Variants in SRSF4 observed in about 807,000 individuals in gnomAD.
SRSF4 encodes serine/arginine-rich splicing factor 4.
In SRSF4, 12 loss-of-function variants were observed where a neutral mutation model predicts 48.8. That is an observed-to-expected ratio of 0.25 (90% confidence interval 0.16 to 0.40). The LOEUF (loss-of-function observed/expected upper bound fraction) is 0.40. Ranked by LOEUF, SRSF4 falls within the 10% of genes least tolerant of loss-of-function variation. The pLI, the probability that SRSF4 is intolerant of heterozygous loss-of-function variation, is 1.00. For missense variants in SRSF4, 466 were observed against 667.1 expected (o/e 0.70, Z 3.32); for synonymous variants, 248 against 232.5 (o/e 1.07, Z -0.61).
intron 5 of SRSF4, among the ~76,000 whole-genome samples, chr1:29,149,637 C>T (rs549970168): frequency 7.5e-5 from 11 of 146,928 alleles, no homozygotes; most frequent in East Asian, 4.0e-4. Flanking sequence ...GCCGAGATCG[C>T]GCCACTGCAC....
intron 1 of SRSF4, among the ~76,000 whole-genome samples, chr1:29,181,106 T>C (rs1672948383): frequency 6.6e-6 from 1 of 152,226 alleles, no homozygotes. Context: ...ACTAGACTAC[T>C]CAAACTGGAG....
At chr1:29,178,152 G>A (rs1279141079) in intron 1 of SRSF4, among the ~76,000 whole-genome samples, 4 of 151,750 alleles carry the variant, frequency 2.6e-5, no homozygotes, top group Non-Finnish European at 5.9e-5. Context: ...CACCTACCTC[G>A]GCCTCCCAAG....
At chr1:29,166,188 G>C (rs1672666501) in intron 1 of SRSF4, 1 of 152,160 alleles carries the variant, frequency 6.6e-6, no homozygotes, top group Non-Finnish European at 1.5e-5. Flanking sequence ...GAAAGAAATG[G>C]CATTCAGTGA....
Position 29,150,120 on chromosome 1 carries a change from C to T in SRSF4, c.651G>A (p.Lys217=), listed in dbSNP as rs773499543. The change falls in exon 5 of 6, where the codon AAG becomes AAA. Residue 217 remains lysine (K), a synonymous_variant. Transcript: ENST00000373795. The part of the protein sequence containing the change: ...RSGSSKSSHS[K]SRSRSRSGSR... ...AGACATACCTGGACCGAGATCTACT[C>T]TTAGAATGACTGCTTTTGCTGCTGC... The T allele has an allele frequency of 1.9e-6, 3 of 1,613,964 alleles. No individual in the cohort carries two copies. In the South Asian group the frequency reaches 3.3e-5, roughly 18 times the overall value.
intron 1 of SRSF4, chr1:29,173,040 G>A (rs1159105334): frequency 1.3e-5 from 2 of 151,632 alleles, no homozygotes; most frequent in Non-Finnish European, 2.9e-5. Context: ...ATCTTAAAAG[G>A]ATGCTTAATG....
chr1:29,168,028 T>A (rs796261015), intron 1 of SRSF4, among the ~76,000 whole-genome samples: 27 of 135,424 alleles, frequency 2.0e-4, no homozygotes, highest in African/African-American at 5.1e-4. Flanking sequence ...TTTTTTTTTT[T>A]TAAAAAAAAC....
intron 1 of SRSF4, chr1:29,168,877 G>T (rs1672704131): frequency 6.6e-6 from 1 of 152,172 alleles, no homozygotes; most frequent in South Asian, 2.1e-4. Flanking sequence ...AAATATAAGC[G>T]TGAATGGTAG....
chr1:29,154,355 C>T (rs1199789948), intron 4 of SRSF4: 9 of 210,146 alleles, frequency 4.3e-5, no homozygotes, highest in East Asian at 1.3e-4. Context: ...TGCGCCACAG[C>T]GCCCAGCATT....
At chr1:29,164,789 T>C (rs1486492919) in intron 1 of SRSF4, among the ~76,000 whole-genome samples, 1 of 152,214 alleles carries the variant, frequency 6.6e-6, no homozygotes, top group Non-Finnish European at 1.5e-5. Context: ...CCCCTATGCA[T>C]ATGAAAGAAT....
intron 3 of SRSF4, among the ~76,000 whole-genome samples, chr1:29,158,414 C>T (rs916604571): frequency 1.3e-5 from 2 of 150,418 alleles, no homozygotes; most frequent in Non-Finnish European, 3.0e-5. Context: ...AGTAGCTACA[C>T]TGCCATCTTC....
At chr1:29,164,582 A>C (rs1258772035) in intron 1 of SRSF4, among the ~76,000 whole-genome samples, 1 of 152,236 alleles carries the variant, frequency 6.6e-6, no homozygotes, top group Non-Finnish European at 1.5e-5. Flanking sequence ...CTCACAAAAC[A>C]ACCCAAGAGA....
At chr1:29,174,212 GA>G (rs35774688) in intron 1 of SRSF4, among the ~76,000 whole-genome samples, 142,442 of 145,684 alleles carry the variant, frequency 0.98, 69,686 homozygotes, top group South Asian at 1. Context: ...AAAGAAAAAA[GA>G]AAAAAAAAAA....
At chr1:29,163,804 AC>A (rs1361240237) in intron 1 of SRSF4, among the ~76,000 whole-genome samples, 1 of 152,212 alleles carries the variant, frequency 6.6e-6, no homozygotes, top group South Asian at 2.1e-4. Flanking sequence ...GTGGTTTGAC[AC>A]CAGGGCTGAA....
chr1:29,177,738 C>T (rs958353814), intron 1 of SRSF4, among the ~76,000 whole-genome samples: 3 of 152,050 alleles, frequency 2.0e-5, no homozygotes, highest in African/African-American at 7.2e-5. Flanking sequence ...TCTACATTAG[C>T]GATGCCTGGT....
At chr1:29,177,893 ATTTTTTT>A (rs397979781) in intron 1 of SRSF4, among the ~76,000 whole-genome samples, 6 of 93,636 alleles carry the variant, frequency 6.4e-5, no homozygotes, top group East Asian at 2.8e-4. Flanking sequence ...ATTACACAAG[ATTTTTTT>A]TTTTTTTTTT....
chr1:29,153,231 C>T (rs1356542100), intron 4 of SRSF4, among the ~76,000 whole-genome samples: 3 of 151,816 alleles, frequency 2.0e-5, no homozygotes, highest in East Asian at 1.9e-4. Context: ...TCCTGGGTTC[C>T]GGTTTAAGCG....
chr1:29,172,184 A>G (rs565731238), intron 1 of SRSF4: 8 of 152,368 alleles, frequency 5.3e-5, no homozygotes, highest in Non-Finnish European at 1.0e-4. Context: ...TAGTTATATT[A>G]CTAATAAAAC....
At chr1:29,170,004 A>C (rs1027820667) in intron 1 of SRSF4, 1 of 152,256 alleles carries the variant, frequency 6.6e-6, no homozygotes, top group African/African-American at 2.4e-5. Flanking sequence ...TTTACACTGC[A>C]AATAGTTTGT....
At position 29,154,682 on chromosome 1, in the gene SRSF4, G is replaced by GACATCA; in HGVS notation, c.578+8_578+13dup. 6.2e-7 allele frequency: 1 copy of GACATCA among 1,612,978 alleles called. No individual in the cohort carries two copies. Among genetic ancestry groups the GACATCA allele is most frequent in the African/African-American group, 1.3e-5 (1 of 74,970 alleles). ...TTATGATGAGCTCCAACACACAAAA[G>GACATCA]ACATCAACAGTACCTTGAATGACTC... On this transcript the variant is annotated intron_variant, in intron 4 of 5. Transcript: ENST00000373795.
Sources: allele counts gnomAD v4.1 joint callset (sites outside exome capture counted in the v4.1 genomes callset), GRCh38; gene constraint gnomAD v4.1.1; transcripts MANE v1.5; gene names NCBI Gene and HGNC (gene_info 2026-07-23, HGNC 2026-07-21).